KMT2E: variants seen among roughly 807,000 people sequenced by gnomAD.
The protein encoded by KMT2E is histone reader KMT2E.
A neutral mutation model predicts 184.6 loss-of-function variants in KMT2E; 30 were observed. The ratio of observed to expected loss-of-function variants is 0.16; its 90% confidence interval spans 0.12 to 0.22. The LOEUF is 0.22. Among genes scored for constraint, KMT2E ranks in the 10% least tolerant of loss-of-function variants. KMT2E has a pLI of 1.00. For synonymous variants in KMT2E, 815 were observed against 776.5 expected, an observed-to-expected ratio of 1.05 and a Z score of -0.82; for missense variants, 2,023 against 2,237.4, an observed-to-expected ratio of 0.90 and a Z score of 1.93.
At chr7:105,020,394 C>G (rs908255251) in intron 1 of KMT2E, among the ~76,000 whole-genome samples, 2 of 151,884 alleles carry the variant, frequency 1.3e-5, no homozygotes, top group African/African-American at 4.8e-5. Flanking sequence ...AGTTCAAGAC[C>G]AGCCTGGCCA....
intron 15 of KMT2E, among the ~76,000 whole-genome samples, chr7:105,094,949 G>C (rs1292742367): frequency 6.6e-6 from 1 of 152,186 alleles, no homozygotes; most frequent in Non-Finnish European, 1.5e-5. Flanking sequence ...GGGATCTACT[G>C]TACTTCACCC....
At chr7:105,066,926 T>C in intron 6 of KMT2E, 119 bp downstream of exon 6, 2 of 740,806 alleles carry the variant, frequency 2.7e-6, no homozygotes, top group Non-Finnish European at 2.3e-6. Context: ...GCATGGTGGC[T>C]CATGCCTGTA....
intron 3 of KMT2E, among the ~76,000 whole-genome samples, chr7:105,052,462 TATC>T (rs1234599510): frequency 1.3e-5 from 2 of 152,210 alleles, no homozygotes; most frequent in Admixed American, 1.3e-4. Flanking sequence ...TTATCACTAA[TATC>T]ATTGTATCTA....
intron 5 of KMT2E, among the ~76,000 whole-genome samples, chr7:105,065,204 C>CAAGTAATGAG (rs1796980653): frequency 6.6e-6 from 1 of 152,106 alleles, no homozygotes; most frequent in Non-Finnish European, 1.5e-5. Flanking sequence ...TTACATGTTC[C>CAAGTAATGAG]TACTACTTAT....
intron 3 of KMT2E, among the ~76,000 whole-genome samples, chr7:105,049,191 TC>T (rs941574933): frequency 6.6e-6 from 1 of 152,108 alleles, no homozygotes; most frequent in African/African-American, 2.4e-5. Context: ...ACACCTGTAT[TC>T]CTAGCACTTT....
chr7:105,112,935 T>C lies in KMT2E; in HGVS notation c.5179T>C (p.Leu1727=), dbSNP rs1799388771. ...PPPPPPPSSV[L]ASGHHTTSAQ... ...CCCTCCGCCGCCACCTTCCAGTGTT[T>C]TGGCTTCTGGGCATCATACCACATC... The change falls in exon 27 of 27, where the codon TTG becomes CTG. Residue 1727 remains leucine, a synonymous_variant. Coordinates refer to ENST00000311117, the MANE Select transcript of KMT2E (RefSeq NM_182931.3). 2 of 1,613,806 alleles carry C rather than the reference T, an allele frequency of 1.2e-6. No individual in the cohort carries two copies. Among genetic ancestry groups the C allele is most frequent in the Non-Finnish European group, 1.7e-6 (2 of 1,179,980 alleles).
At position 105,105,946 on chromosome 7, in the gene KMT2E, G is replaced by A. The variant is rs1487018213; in HGVS notation, c.2539G>A (p.Ala847Thr). ...SPCQERSRSP[A>T]VNGENKSPLL... is the part of the protein sequence containing the mutation. ...CTGTCAAGAAAGATCCAGAAGTCCT[G>A]CAGTCAATGGTGAAAATAAAAGTCC... The change falls in exon 19 of 27, where the codon GCA becomes ACA. Residue 847 changes from alanine (A) to threonine (T), a missense_variant. Coordinates refer to ENST00000311117, the MANE Select transcript of KMT2E (RefSeq NM_182931.3). 6.2e-7 allele frequency: 1 copy of A among 1,613,410 alleles called. No homozygotes were observed. Among genetic ancestry groups the A allele is most frequent in the East Asian group, 2.2e-5 (1 of 44,848 alleles).
chr7:105,074,814 A>C lies in KMT2E; in HGVS notation c.728A>C (p.Lys243Thr). The change falls in exon 8 of 27, where the codon AAG becomes ACG. Residue 243 changes from lysine (K) to threonine (T), a missense_variant and splice_region_variant. Coordinates refer to ENST00000311117, the MANE Select transcript of KMT2E (RefSeq NM_182931.3). ...GAACAACACATTTCAAAATGTAAAA[A>C]GGTACGTTTTTGCTTGTTTTTAGGT... ...EKEQHISKCK[K>T]AFREGSRKSS... 1 of 1,598,622 alleles carries C rather than the reference A, an allele frequency of 6.3e-7. No homozygotes were observed. The highest frequency in any genetic ancestry group is 1.1e-5 in the South Asian group (1 of 88,302).
intron 3 of KMT2E, among the ~76,000 whole-genome samples, chr7:105,045,524 T>C (rs1796068358): frequency 6.6e-6 from 1 of 152,218 alleles, no homozygotes; most frequent in African/African-American, 2.4e-5. Context: ...AGATACCTCA[T>C]ATAAGTGGAA....
intron 1 of KMT2E, among the ~76,000 whole-genome samples, chr7:105,020,137 T>C (rs909473962): frequency 2.0e-5 from 3 of 147,406 alleles, no homozygotes; most frequent in South Asian, 2.2e-4. Flanking sequence ...ATAAGTAAAT[T>C]AAAAAAAAAA....
chr7:105,090,046 C>G lies in KMT2E; in HGVS notation c.1396C>G (p.Pro466Ala). ...KVDCACLKEN[P>A]ECPVLKRSSE... ...GGACTGTGCATGCCTCAAAGAAAAC[C>G]CAGAGTGCCCTGTTCTAAAACGTAG... The change falls in exon 14 of 27, where the codon CCA becomes GCA. Residue 466 changes from proline (P) to alanine (A), a missense_variant. By Grantham distance (27) the Pro-to-Ala change is conservative. This residue lies in a region of KMT2E where 514 missense variants were observed against 621.8 expected (regional missense o/e 0.83). Transcript: ENST00000311117. The G allele has an allele frequency of 6.2e-7, 1 of 1,613,274 alleles. No individual in the cohort carries two copies. The highest frequency in any genetic ancestry group is 8.5e-7 in the Non-Finnish European group (1 of 1,179,796).
chr7:105,016,288 T>C (rs1794713436), intron 1 of KMT2E, among the ~76,000 whole-genome samples: 1 of 152,212 alleles, frequency 6.6e-6, no homozygotes, highest in Admixed American at 6.5e-5. Flanking sequence ...AAGCTTTCCT[T>C]AAGAATTTTC....
At chr7:105,048,075 C>T (rs1055826402) in intron 3 of KMT2E, among the ~76,000 whole-genome samples, 34 of 152,204 alleles carry the variant, frequency 2.2e-4, no homozygotes, top group African/African-American at 7.5e-4. Context: ...ACCTCAAGGT[C>T]GCACAGACTG....
intron 3 of KMT2E, among the ~76,000 whole-genome samples, chr7:105,054,504 CTAT>C (rs1796493113): frequency 6.6e-6 from 1 of 150,736 alleles, no homozygotes; most frequent in Admixed American, 6.6e-5. Context: ...ATCTATCTAT[CTAT>C]CTATCTATCT....
chr7:105,101,133 C>G (rs1393423596), intron 15 of KMT2E, among the ~76,000 whole-genome samples: 1 of 152,028 alleles, frequency 6.6e-6, no homozygotes, highest in Non-Finnish European at 1.5e-5. Flanking sequence ...TTTGGTAAAA[C>G]AAGGTAATTT....
Position 105,110,016 on chromosome 7 carries a change from G to A in KMT2E, c.3756-264G>A, listed in dbSNP as rs1584810942. On this transcript the variant is annotated intron_variant, in intron 23 of 26. Transcript: ENST00000311117. ...TGGCTAATTTTTTTTTGTATTTTTA[G>A]TAGAGACGGGGTTTCACCATGCTGG... is the stretch of plus-strand genomic sequence containing the variant. Among the ~76,000 whole-genome samples the A allele has an allele frequency of 2.0e-5, 3 of 151,962 alleles. No homozygotes were observed. In the East Asian group the frequency reaches 5.8e-4, roughly 29 times the overall value.
chr7:105,112,830 C>G lies in KMT2E; in HGVS notation c.5074C>G (p.Pro1692Ala). 6.9e-7 allele frequency: 1 copy of G among 1,448,318 alleles called. No individual in the cohort carries two copies. Among genetic ancestry groups the G allele is most frequent in the Non-Finnish European group, 9.4e-7 (1 of 1,063,512 alleles). The allele number at this position is 1,448,318 out of a possible 1,614,324, so 89.7% of individuals were successfully genotyped here. ...TCCTGGTCCTGCCCCTCATCACCAT[C>G]CACCACCCCATCCATCCACAGGACT... ...PPPGPAPHHH[P>A]PPHPSTGLQG... The change falls in exon 27 of 27, where the codon CCA becomes GCA. Residue 1692 changes from proline to alanine, a missense_variant. Transcript: ENST00000311117.
chr7:105,065,830 C>G (rs1797004015), intron 5 of KMT2E, among the ~76,000 whole-genome samples: 1 of 152,088 alleles, frequency 6.6e-6, no homozygotes, highest in African/African-American at 2.4e-5. Context: ...GTAGTTTATT[C>G]TTATGTAAGG....
At chr7:105,034,658 C>T (rs927376540) in intron 1 of KMT2E, among the ~76,000 whole-genome samples, 2 of 152,056 alleles carry the variant, frequency 1.3e-5, no homozygotes, top group East Asian at 1.9e-4. Context: ...TACCTGTACC[C>T]ACCACCACAG....
Sources: gnomAD v4.1 joint callset for allele counts (sites outside exome capture counted in the v4.1 genomes callset) on GRCh38, gnomAD v4.1.1 for gene constraint, gnomAD v4.1.1 regional missense constraint, MANE v1.5 for transcripts, NCBI Gene and HGNC (gene_info 2026-07-23, HGNC 2026-07-21) for gene names.